The following PUS7 variants were observed in gnomAD, a reference collection of about 807,000 sequenced individuals.
PUS7 encodes pseudouridine synthase 7.
PUS7 carries 48 observed loss-of-function variants against 79.8 expected under a neutral mutation model. That is an observed-to-expected ratio of 0.60 (90% CI 0.48 to 0.76). PUS7 has a LOEUF of 0.76. Among genes scored for constraint, PUS7 ranks in the 30% least tolerant of loss-of-function variants. The probability of loss-of-function intolerance (pLI) is 0.00; values close to 1 mark genes in which losing one functional copy is unlikely to be tolerated. For synonymous variants in PUS7, 286 were observed against 272.2 expected, an observed-to-expected ratio of 1.05 and a Z score of -0.50; for missense variants, 729 against 797.6, an observed-to-expected ratio of 0.91 and a Z score of 1.04.
rs1169416856 is a variant in PUS7 at position 105,467,291 on chromosome 7, CTTCTTT to C, written c.1525+1040_1525+1045del. Among the ~76,000 whole-genome samples, 171 of 67,054 alleles carry C rather than the reference CTTCTTT, an allele frequency of 2.6e-3. 1 individual carries two copies. The highest frequency in any genetic ancestry group is 5.8e-3 in the African/African-American group (158 of 27,100). 44.0% of individuals were successfully genotyped at this position (67,054 alleles called of 152,430 possible). ...CATTCTATTTGAGTTTGAAGAAACT[CTTCTTT>C]TTTTTTTTTTTTGAGACAGTCTCCC... On this transcript the variant is annotated intron_variant, in intron 12 of 15. Transcript: ENST00000469408.
At chr7:105,470,534 G>C (rs1296818171) in intron 11 of PUS7, 154 bp downstream of exon 11, 2 of 823,352 alleles carry the variant, frequency 2.4e-6, no homozygotes, top group African/African-American at 3.5e-5. Context: ...CTCAGGGTCT[G>C]AACAAAGACT....
chr7:105,477,801 A>G (rs1289724737), intron 9 of PUS7, among the ~76,000 whole-genome samples: 1 of 152,060 alleles, frequency 6.6e-6, no homozygotes, highest in African/African-American at 2.4e-5. Context: ...TTTCATAGAA[A>G]TTGATTCATT....
At chr7:105,472,338 G>A (rs1184763220) in intron 9 of PUS7, 145 bp from the exon 10 acceptor site, 2 of 545,010 alleles carry the variant, frequency 3.7e-6, no homozygotes, top group African/African-American at 1.9e-5. Flanking sequence ...CTAGTCTAGT[G>A]ATTCTCCCAC....
intron 4 of PUS7, among the ~76,000 whole-genome samples, chr7:105,504,037 C>T (rs1421718153): frequency 2.6e-5 from 4 of 151,314 alleles, no homozygotes; most frequent in African/African-American, 9.7e-5. Flanking sequence ...CATCGAGATA[C>T]ACTGCAACTG....
intron 1 of PUS7, among the ~76,000 whole-genome samples, chr7:105,517,804 T>G (rs1302148404): frequency 4.6e-5 from 7 of 151,802 alleles, no homozygotes; most frequent in African/African-American, 1.7e-4. Context: ...ACCAGGAGTT[T>G]GAGACCAGCA....
chr7:105,495,049 G>T, intron 6 of PUS7, 93 bp downstream of exon 6: 7 of 630,642 alleles, frequency 1.1e-5, no homozygotes, highest in East Asian at 5.8e-5. Context: ...TCTGTAATCT[G>T]TGCTCCTCCT....
intron 8 of PUS7, 124 bp downstream of exon 8, chr7:105,482,188 C>G (rs1373234018): frequency 1.7e-6 from 2 of 1,170,124 alleles, no homozygotes; most frequent in African/African-American, 3.1e-5. Flanking sequence ...GCTCTGCCCT[C>G]CCTTGCTGCC....
In PUS7 at chr7:105,481,140, T is replaced by C. The variant is rs753855114; in HGVS notation, c.1087A>G (p.Met363Val). 5.6e-6 allele frequency: 9 copies of C among 1,611,882 alleles called. No homozygotes were observed. Among genetic ancestry groups the C allele is most frequent in the African/African-American group, 5.3e-5 (4 of 74,868 alleles). Residue 363 changes from methionine (M) to valine (V), a missense_variant, in exon 9 of 16, where the codon ATG (methionine) becomes GTG (valine). Physicochemically the swap from Met to Val is conservative, Grantham distance 21 (BLOSUM62 1). Transcript: ENST00000469408. Reference sequence around the variant, plus strand: ...AATCCAATCTCCTTGAGAGAGTTCATAGCTTGCTGTACTTGGTCATCAGTT... The same window carrying C: ...AATCCAATCTCCTTGAGAGAGTTCACAGCTTGCTGTACTTGGTCATCAGTT... ...TGTDDQVQQA[M>V]NSLKEIGFIN...
chr7:105,509,010 C>T (rs975647981), intron 1 of PUS7, among the ~76,000 whole-genome samples: 9 of 146,456 alleles, frequency 6.1e-5, no homozygotes, highest in African/African-American at 2.2e-4. Context: ...GAAACCCCAT[C>T]TCTACTAAAA....
rs377728624 is a variant in PUS7, at chr7:105,481,121, A to T, written c.1106T>A (p.Ile369Asn). 6.2e-7 allele frequency: 1 copy of T among 1,612,444 alleles called. No individual in the cohort carries two copies. Among genetic ancestry groups the T allele is most frequent in the African/African-American group, 1.3e-5 (1 of 74,868 alleles). Residue 369 changes from isoleucine to asparagine, a missense_variant, in exon 9 of 16, where the codon ATT becomes AAT. Ile to Asn is a moderately radical substitution (Grantham distance 149). Transcript: ENST00000469408. The stretch of plus-strand genomic sequence containing the variant: ...CATTCCATAGTAGTTAATAAATCCA[A>T]TCTCCTTGAGAGAGTTCATAGCTTG... ...VQQAMNSLKE[I>N]GFINYYGMQR...
rs984151632 is a variant in PUS7, at chr7:105,457,151, T to A, written c.*639A>T. ...TGAGATCCTGTCTCGAAAAAAAAAATAAAAAAATAAAATGGGCCTATCAAT... is the reference window on the plus strand; with the variant it reads ...TGAGATCCTGTCTCGAAAAAAAAAAAAAAAAAATAAAATGGGCCTATCAAT... On this transcript the variant is annotated 3_prime_UTR_variant, in exon 16 of 16. Transcript: ENST00000469408. 1.3e-5 allele frequency: 2 copies of A among 150,760 alleles called. No homozygotes were observed. The highest frequency in any genetic ancestry group is 1.5e-5 in the Non-Finnish European group (1 of 67,670). The allele number at this position is 150,760 out of a possible 1,614,324, so 9.3% of individuals were successfully genotyped here. A position where few individuals can be genotyped will look rare whatever the true frequency, so the allele number is the denominator to read the frequency against.
At chr7:105,488,008 T>TC (rs1824624157) in intron 7 of PUS7, among the ~76,000 whole-genome samples, 1 of 152,212 alleles carries the variant, frequency 6.6e-6, no homozygotes, top group Admixed American at 6.6e-5. Flanking sequence ...GCCCCATGTA[T>TC]CCATTAAACA....
intron 7 of PUS7, among the ~76,000 whole-genome samples, chr7:105,488,235 C>T (rs1393559736): frequency 1.3e-5 from 2 of 152,158 alleles, no homozygotes; most frequent in Non-Finnish European, 2.9e-5. Flanking sequence ...TAAGACTTCA[C>T]ATCAGAAAAC....
chr7:105,473,639 G>C (rs965044058), intron 9 of PUS7, among the ~76,000 whole-genome samples: 21 of 151,640 alleles, frequency 1.4e-4, no homozygotes, highest in Admixed American at 1.2e-3. Flanking sequence ...GACTGGTCTT[G>C]AATTCTTGGC....
chr7:105,459,730 C>A (rs938281710), intron 14 of PUS7, among the ~76,000 whole-genome samples: 3 of 152,012 alleles, frequency 2.0e-5, no homozygotes, highest in Non-Finnish European at 4.4e-5. Context: ...AGCCACTGTG[C>A]CTGAATATAA....
At position 105,518,029 on chromosome 7, in the gene PUS7, TC is replaced by T. The variant is rs560009630; in HGVS notation, c.-33+4022del. On this transcript the variant is annotated intron_variant, in intron 1 of 15. Coordinates refer to ENST00000469408, the MANE Select transcript of PUS7 (RefSeq NM_019042.5). ...CATGCATGGTGGTGTGGCCCTGTAA[TC>T]CCAGCTACTCAGGAGGCTGAGACAG... is the stretch of plus-strand genomic sequence containing the variant. 3.7e-4 allele frequency among the ~76,000 whole-genome samples: 57 copies of T among 152,162 alleles called. 1 individual carries two copies. In the South Asian group the frequency reaches 0.011, roughly 30 times the overall value.
chr7:105,463,508 C>G (rs1276897884), intron 13 of PUS7, among the ~76,000 whole-genome samples: 1 of 152,190 alleles, frequency 6.6e-6, no homozygotes, highest in African/African-American at 2.4e-5. Context: ...GTAACAGGCT[C>G]ACATACAACA....
In PUS7 at chr7:105,514,669, A is replaced by T. The variant is rs561288548; in HGVS notation, c.-32-6125T>A. Among the ~76,000 whole-genome samples, 117 of 152,208 alleles carry T rather than the reference A, an allele frequency of 7.7e-4. 3 individuals carry two copies. The South Asian group carries it at 0.024, about 31-fold the overall frequency. On this transcript the variant is annotated intron_variant, in intron 1 of 15. Coordinates refer to ENST00000469408, the MANE Select transcript of PUS7 (RefSeq NM_019042.5). ...TAAAAGCTGTTGGAATCCCCAAAAC[A>T]CTTTTTAAGCCTTGAGAGAGATGTG... is the stretch of plus-strand genomic sequence containing the variant.
At chr7:105,472,776 T>C (rs1357340491) in intron 9 of PUS7, among the ~76,000 whole-genome samples, 2 of 152,098 alleles carry the variant, frequency 1.3e-5, no homozygotes, top group Admixed American at 6.6e-5. Flanking sequence ...TTTTTTGAAG[T>C]GGAGTTTCGC....
Sources: gnomAD v4.1 joint callset for allele counts (sites outside exome capture counted in the v4.1 genomes callset) on GRCh38, gnomAD v4.1.1 for gene constraint, MANE v1.5 for transcripts, NCBI Gene and HGNC (gene_info 2026-07-23, HGNC 2026-07-21) for gene names.